The following FMR1NB variants were observed in gnomAD, a reference collection of about 807,000 sequenced individuals.
The protein encoded by FMR1NB is FMR1 neighbor, also known as FMR1 neighbor protein.
Under a neutral mutation model 16.8 loss-of-function variants are expected in FMR1NB, and 10 were observed. The observed-to-expected ratio is 0.60, with a 90% confidence interval of 0.37 to 1.01. The LOEUF is 1.01. Among genes scored for constraint, FMR1NB ranks in the 50% least tolerant of loss-of-function variants. FMR1NB has a pLI of 0.01. For synonymous variants in FMR1NB, 83 were observed against 79.1 expected (o/e 1.05, Z -0.26); for missense variants, 205 against 204.8 (o/e 1.00, Z 0.00).
At chrX:147,990,985 TCTC>T (rs1451543413) in intron 1 of FMR1NB, among the ~76,000 whole-genome samples, 3 of 110,357 alleles carry the variant, frequency 2.7e-5, no homozygotes, top group African/African-American at 9.9e-5. Context: ...ATTTCCTCAA[TCTC>T]CTCCCTTCAC....
At chrX:147,982,800 C>T (rs192799553) in intron 1 of FMR1NB, among the ~76,000 whole-genome samples, 1,376 of 96,610 alleles carry the variant, frequency 0.014, 24 homozygotes, top group African/African-American at 0.05. Context: ...AGGCTGAGGC[C>T]GGAGAACGGC....
At chrX:147,995,024 C>G (rs943860525) in intron 1 of FMR1NB, among the ~76,000 whole-genome samples, 8 of 111,435 alleles carry the variant, frequency 7.2e-5, no homozygotes, top group Non-Finnish European at 1.1e-4. Flanking sequence ...TTTTAATCCA[C>G]TATGAATGGT....
chrX:148,015,349 T>G (rs1190458476), intron 4 of FMR1NB, among the ~76,000 whole-genome samples: 1 of 111,945 alleles, frequency 8.9e-6, no homozygotes, highest in African/African-American at 3.2e-5. Context: ...TTTATTATTT[T>G]TATTCCCTAA....
chrX:148,016,857 C>T (rs73247533), intron 4 of FMR1NB, among the ~76,000 whole-genome samples: 7,500 of 110,402 alleles, frequency 0.068, 382 homozygotes, highest in African/African-American at 0.17. Context: ...TTGATTGGTT[C>T]GTCTTTAGTC....
intron 1 of FMR1NB, among the ~76,000 whole-genome samples, chrX:148,001,323 A>G (rs1410028237): frequency 8.9e-6 from 1 of 112,213 alleles, no homozygotes; most frequent in Non-Finnish European, 1.9e-5. Context: ...CACACAATAA[A>G]TGATTTTTGA....
At chrX:148,012,912 T>C (rs2044632134) in intron 4 of FMR1NB, among the ~76,000 whole-genome samples, 1 of 112,250 alleles carries the variant, frequency 8.9e-6, no homozygotes, top group South Asian at 3.7e-4. Flanking sequence ...CTTTATGCAG[T>C]AATTAGCGAA....
intron 1 of FMR1NB, among the ~76,000 whole-genome samples, chrX:147,992,982 A>G (rs1218985824): frequency 9.6e-6 from 1 of 103,779 alleles, no homozygotes; most frequent in African/African-American, 3.7e-5. Context: ...ATGGGCGGCC[A>G]GGCAGAGACA....
At chrX:147,982,053 G>A (rs1227296724) in intron 1 of FMR1NB, among the ~76,000 whole-genome samples, 3 of 111,789 alleles carry the variant, frequency 2.7e-5, no homozygotes, top group African/African-American at 9.8e-5. Flanking sequence ...ACTTTAGGAG[G>A]CTGAAGCAGG....
chrX:147,985,343 T>C lies in FMR1NB; in HGVS notation c.277+3664T>C, dbSNP rs782123836. Among the ~76,000 whole-genome samples, 5 of 111,903 alleles carry C rather than the reference T, an allele frequency of 4.5e-5. No individual in the cohort carries two copies. In the South Asian group the frequency reaches 1.1e-3, roughly 25 times the overall value. On this transcript the variant is annotated intron_variant, in intron 1 of 5. Transcript: ENST00000370467. ...TTTATTTTTACTTTAAAAAAAGTTATGGGATACATGTGCAGAACGTGCAGG... is the reference window on the plus strand; with the variant it reads ...TTTATTTTTACTTTAAAAAAAGTTACGGGATACATGTGCAGAACGTGCAGG...
intron 1 of FMR1NB, among the ~76,000 whole-genome samples, chrX:147,997,961 A>T (rs1353888224): frequency 8.9e-6 from 1 of 112,501 alleles, no homozygotes. Flanking sequence ...ACAACAGATG[A>T]TGGAGAGGAT....
intron 1 of FMR1NB, among the ~76,000 whole-genome samples, chrX:147,995,478 A>G (rs924299087): frequency 6.3e-5 from 7 of 111,497 alleles, no homozygotes; most frequent in Admixed American, 3.8e-4. Context: ...CCCAAGCCAC[A>G]TTGCCTTTCA....
At chrX:147,991,669 TA>T (rs1212082264) in intron 1 of FMR1NB, among the ~76,000 whole-genome samples, 3 of 104,698 alleles carry the variant, frequency 2.9e-5, no homozygotes, top group East Asian at 5.9e-4. Flanking sequence ...TTTTTTAATT[TA>T]TTTTTTTATT....
At chrX:147,999,533 C>CTT (rs5904216) in intron 1 of FMR1NB, among the ~76,000 whole-genome samples, 83 of 104,778 alleles carry the variant, frequency 7.9e-4, no homozygotes, top group Admixed American at 5.6e-3. Context: ...TACTTCTAGT[C>CTT]TTTTTTTTTT....
chrX:147,998,184 G>A (rs782424645), intron 1 of FMR1NB, among the ~76,000 whole-genome samples: 135 of 112,348 alleles, frequency 1.2e-3, no homozygotes, highest in African/African-American at 4.0e-3. Flanking sequence ...ATTTACAATA[G>A]CAAAGACTTG....
At chrX:148,025,049 ATC>A in intron 5 of FMR1NB, 36 bp downstream of exon 5, 2 of 1,167,710 alleles carry the variant, frequency 1.7e-6, no homozygotes, top group Non-Finnish European at 2.3e-6. Flanking sequence ...GAAGTGCTCA[ATC>A]TCTGATTCTT....
At chrX:147,998,670 G>A (rs1221203399) in intron 1 of FMR1NB, among the ~76,000 whole-genome samples, 1 of 112,429 alleles carries the variant, frequency 8.9e-6, no homozygotes, top group African/African-American at 3.2e-5. Flanking sequence ...TGTCATGGTA[G>A]GTTTGATATG....
intron 4 of FMR1NB, among the ~76,000 whole-genome samples, chrX:148,010,336 C>T (rs1359514621): frequency 8.9e-6 from 1 of 112,311 alleles, no homozygotes; most frequent in African/African-American, 3.2e-5. Context: ...GTAGCAGATT[C>T]ATCTTGCTGC....
At chrX:148,017,405 A>G (rs978085511) in intron 4 of FMR1NB, among the ~76,000 whole-genome samples, 1 of 110,672 alleles carries the variant, frequency 9.0e-6, no homozygotes, top group Admixed American at 9.6e-5. Context: ...GTATATTGAT[A>G]TCTTTGTCTA....
In FMR1NB at chrX:147,986,089, A is replaced by C. The variant is rs180813980; in HGVS notation, c.277+4410A>C. The stretch of plus-strand genomic sequence containing the variant: ...GACCAGTGATGATGAGCTTCTTTTC[A>C]TATGTTTGGGGGCCTCATAAATGGC... On this transcript the variant is annotated intron_variant, in intron 1 of 5. Transcript: ENST00000370467. Among the ~76,000 whole-genome samples the C allele has an allele frequency of 4.0e-3, 447 of 111,916 alleles. 1 individual carries two copies. Among genetic ancestry groups the C allele is most frequent in the African/African-American group, 0.013 (408 of 30,813 alleles).
Sources: allele counts gnomAD v4.1 joint callset (sites outside exome capture counted in the v4.1 genomes callset), GRCh38; gene constraint gnomAD v4.1.1; transcripts MANE v1.5; gene names NCBI Gene and HGNC (gene_info 2026-07-23, HGNC 2026-07-21).